The following PTPA variants were observed in gnomAD, a reference collection of about 807,000 sequenced individuals.
PTPA encodes serine/threonine-protein phosphatase 2A activator.
Under a neutral mutation model 43.6 loss-of-function variants are expected in PTPA, and 13 were observed. The observed-to-expected ratio is 0.30, with a 90% CI of 0.19 to 0.47. The LOEUF (loss-of-function observed/expected upper bound fraction) is 0.47. Among genes scored for constraint, PTPA ranks in the 20% least tolerant of loss-of-function variants. The probability of loss-of-function intolerance (pLI) is 0.99; values close to 1 mark genes in which losing one functional copy is unlikely to be tolerated. For synonymous variants in PTPA, 172 were observed against 158.2 expected, an observed-to-expected ratio of 1.09 and a Z score of -0.66; for missense variants, 329 against 411.9, an observed-to-expected ratio of 0.80 and a Z score of 1.74.
chr9:129,141,073 C>G (rs1426867994), intron 8 of PTPA, among the ~76,000 whole-genome samples: 2 of 152,082 alleles, frequency 1.3e-5, no homozygotes, highest in African/African-American at 4.8e-5. Flanking sequence ...GTTGTCCTTG[C>G]TCCTGAACAT....
At chr9:129,134,662 A>G (rs1850233782) in intron 5 of PTPA, 133 bp from the exon 6 acceptor site, 1 of 652,194 alleles carries the variant, frequency 1.5e-6, no homozygotes, top group South Asian at 1.9e-5. Context: ...TGAATGGGGA[A>G]GAGGTCTCAT....
At chr9:129,130,144 A>G (rs551063357) in intron 4 of PTPA, among the ~76,000 whole-genome samples, 3 of 152,202 alleles carry the variant, frequency 2.0e-5, no homozygotes, top group Non-Finnish European at 4.4e-5. Flanking sequence ...TTCAAAGCAA[A>G]CAAAAATAAA....
chr9:129,143,794 C>A, intron 9 of PTPA: 5 of 225,970 alleles, frequency 2.2e-5, no homozygotes, highest in South Asian at 6.5e-5. Flanking sequence ...GCTGGCCACC[C>A]CCGGCTCTCC....
chr9:129,147,576 C>A lies in PTPA; in HGVS notation c.*112C>A. ...TCTGTTCGTCCCGTTTGATGAGAGG[C>A]TGTTTACTGGGGTGGGGTGGCGAGA... On this transcript the variant is annotated 3_prime_UTR_variant, in exon 10 of 10. Transcript: ENST00000393370. 4 of 1,178,524 alleles carry A rather than the reference C, an allele frequency of 3.4e-6. No homozygotes were observed. The highest frequency in any genetic ancestry group is 4.9e-6 in the Non-Finnish European group (4 of 824,096). The allele number at this position is 1,178,524 out of a possible 1,614,324, so 73.0% of individuals were successfully genotyped here.
intron 5 of PTPA, among the ~76,000 whole-genome samples, chr9:129,133,500 CAG>C (rs1288201339): frequency 3.9e-5 from 6 of 152,334 alleles, no homozygotes; most frequent in Admixed American, 1.3e-4. Flanking sequence ...CCTCCAGAGA[CAG>C]GACAGAAGTA....
chr9:129,111,316 G>A (rs1184843284), upstream of PTPA: 10 of 1,141,424 alleles, frequency 8.8e-6, no homozygotes, highest in African/African-American at 1.6e-4. Context: ...CCGTTGGCGC[G>A]CATGCGCCCC....
chr9:129,129,594 C>T (rs1250397814), intron 4 of PTPA, among the ~76,000 whole-genome samples: 4 of 151,884 alleles, frequency 2.6e-5, no homozygotes, highest in African/African-American at 4.8e-5. Context: ...CTCAGCCTTC[C>T]GAGTAGCTGG....
intron 1 of PTPA, among the ~76,000 whole-genome samples, chr9:129,117,378 T>A (rs2131544583): frequency 6.6e-6 from 1 of 152,108 alleles, no homozygotes; most frequent in Non-Finnish European, 1.5e-5. Flanking sequence ...GCTATGAAAA[T>A]TTTTATTATG....
At chr9:129,126,720 C>T (rs539908637) in intron 3 of PTPA, among the ~76,000 whole-genome samples, 2 of 152,268 alleles carry the variant, frequency 1.3e-5, no homozygotes, top group East Asian at 3.9e-4. Flanking sequence ...TGGAGTTGTT[C>T]TTTGTGCCTC....
intron 1 of PTPA, among the ~76,000 whole-genome samples, chr9:129,115,830 T>C (rs925342419): frequency 6.6e-6 from 1 of 150,758 alleles, no homozygotes; most frequent in Non-Finnish European, 1.5e-5. Flanking sequence ...TTAGTAGATA[T>C]GGGGCTTCAC....
At chr9:129,137,054 G>A (rs1415652637) in intron 7 of PTPA, among the ~76,000 whole-genome samples, 2 of 152,192 alleles carry the variant, frequency 1.3e-5, no homozygotes. Context: ...CTTCCTGTGG[G>A]GCTCAGAGAG....
intron 4 of PTPA, among the ~76,000 whole-genome samples, chr9:129,130,373 C>T (rs1267862117): frequency 3.3e-5 from 5 of 151,754 alleles, no homozygotes. Context: ...CAAGAGACGC[C>T]CGGGCCTGCC....
At chr9:129,119,919 T>C (rs1849138223) in intron 1 of PTPA, among the ~76,000 whole-genome samples, 1 of 152,056 alleles carries the variant, frequency 6.6e-6, no homozygotes, top group Admixed American at 6.6e-5. Flanking sequence ...CCTGGAAGTA[T>C]GTGTCTGGTT....
intron 6 of PTPA, among the ~76,000 whole-genome samples, chr9:129,135,387 T>C (rs1850297853): frequency 6.6e-6 from 1 of 151,864 alleles, no homozygotes; most frequent in Non-Finnish European, 1.5e-5. Context: ...AGTGAGACTC[T>C]GTCTTAAAAA....
intron 4 of PTPA, among the ~76,000 whole-genome samples, chr9:129,129,450 G>A (rs1237605596): frequency 6.6e-6 from 1 of 151,784 alleles, no homozygotes; most frequent in African/African-American, 2.4e-5. Flanking sequence ...CTATAAAAAG[G>A]AATTTTTTTT....
At chr9:129,120,430 A>G in intron 1 of PTPA, 83 bp from the exon 2 acceptor site, 3 of 954,888 alleles carry the variant, frequency 3.1e-6, no homozygotes, top group Non-Finnish European at 4.5e-6. Flanking sequence ...GTCTCAAGAA[A>G]AAAAAAAAAG....
In PTPA at chr9:129,148,752, G is replaced by A. The variant is rs1851449386; in HGVS notation, c.*1288G>A. On this transcript the variant is annotated 3_prime_UTR_variant, in exon 10 of 10. Coordinates refer to ENST00000393370, the MANE Select transcript of PTPA (RefSeq NM_178000.3). ...GAAGCACAGCACAGGGGCTCAGCCT[G>A]GGATCCGGTGATGGTCTGGGCAGAG... 1 of 152,832 alleles carries A rather than the reference G, an allele frequency of 6.5e-6. No homozygotes were observed. Among genetic ancestry groups the A allele is most frequent in the Non-Finnish European group, 1.5e-5 (1 of 68,212 alleles). The allele number at this position is 152,832 out of a possible 1,614,324, so 9.5% of individuals were successfully genotyped here.
upstream of PTPA, chr9:129,111,259 C>CT (rs1588472216): frequency 1.7e-6 from 2 of 1,171,310 alleles, no homozygotes; most frequent in East Asian, 1.3e-4. Context: ...GTGGCAGTCG[C>CT]GGCGCCCGAC....
rs1848475777 is a variant in PTPA, at chr9:129,111,450, A to G, written c.-151A>G. The G allele has an allele frequency of 8.0e-7, 1 of 1,254,632 alleles. No homozygotes were observed. The highest frequency in any genetic ancestry group is 1.0e-6 in the Non-Finnish European group (1 of 991,678). 77.7% of individuals were successfully genotyped at this position (1,254,632 alleles called of 1,614,324 possible). A position where few individuals can be genotyped will look rare whatever the true frequency, so the allele number is the denominator to read the frequency against. ...CGGCCGTCTTCGCTGTGGTGACTTTAACTCTCGGTTTTCGGTTATAGCCGG... is the reference window on the plus strand; with the variant it reads ...CGGCCGTCTTCGCTGTGGTGACTTTGACTCTCGGTTTTCGGTTATAGCCGG... On this transcript the variant is annotated 5_prime_UTR_variant, in exon 1 of 10. Transcript: ENST00000393370.
Sources: allele counts gnomAD v4.1 joint callset (sites outside exome capture counted in the v4.1 genomes callset), GRCh38; gene constraint gnomAD v4.1.1; transcripts MANE v1.5; gene names NCBI Gene and HGNC (gene_info 2026-07-23, HGNC 2026-07-21).